GAS6: variants seen among roughly 807,000 people sequenced by gnomAD.
GAS6 encodes the protein growth arrest-specific protein 6.
Under a neutral mutation model 75.8 loss-of-function variants are expected in GAS6, and 41 were observed. The ratio of observed to expected loss-of-function variants is 0.54; its 90% CI spans 0.42 to 0.70. The LOEUF (loss-of-function observed/expected upper bound fraction) is 0.70. Among genes scored for constraint, GAS6 ranks in the 30% least tolerant of loss-of-function variants. The pLI, the probability that GAS6 is intolerant of heterozygous loss-of-function variation, is 0.00. For synonymous variants in GAS6, 432 were observed against 412.6 expected (o/e 1.05, Z -0.57); for missense variants, 854 against 940.2 (o/e 0.91, Z 1.20).
intron 14 of GAS6, 89 bp from the exon 15 acceptor site, chr13:113,821,107 G>A (rs1359276711): frequency 7.0e-7 from 1 of 1,434,072 alleles, no homozygotes; most frequent in Non-Finnish European, 9.7e-7. Context: ...CTTGTGGCCA[G>A]CCCCGGGTTC....
chr13:113,850,624 C>T (rs993897752), intron 2 of GAS6, among the ~76,000 whole-genome samples: 2 of 152,226 alleles, frequency 1.3e-5, no homozygotes, highest in Admixed American at 1.3e-4. Context: ...CATCTACCTG[C>T]CCAGCACCGA....
intron 8 of GAS6, chr13:113,833,036 T>C (rs117708883): frequency 0.019 from 24,879 of 1,320,394 alleles, 325 homozygotes; most frequent in Non-Finnish European, 0.021. Context: ...AATTATGAAA[T>C]ATTTCAAGCA....
chr13:113,832,431 G>A lies in GAS6; in HGVS notation c.1011C>T (p.Ala337=), dbSNP rs147823988. The A allele has an allele frequency of 9.9e-5, 160 of 1,609,552 alleles. 1 individual carries two copies. The African/African-American group carries it at 1.5e-3, about 15-fold the overall frequency. ...TCCAGGTGCTGTCCTGGTGGCCTCC[G>A]GCAAAGAGGAGGATGCCCTCGGGGT... The part of the protein sequence containing the change: ...TFDPEGILLF[A]GGHQDSTWIV... The change falls in exon 10 of 15, where the codon GCC becomes GCT. Residue 337 remains alanine, a synonymous_variant. Transcript: ENST00000327773.
At chr13:113,825,116 G>T (rs1365809087) in intron 12 of GAS6, among the ~76,000 whole-genome samples, 1 of 151,878 alleles carries the variant, frequency 6.6e-6, no homozygotes, top group Non-Finnish European at 1.5e-5. Flanking sequence ...TACTCGGGAG[G>T]CTGAGGCAGG....
At chr13:113,833,661 C>G in intron 8 of GAS6, 4 of 998,892 alleles carry the variant, frequency 4.0e-6, no homozygotes, top group Non-Finnish European at 4.8e-6. Flanking sequence ...ACCAGTGTGA[C>G]AGGTCGGTGT....
chr13:113,827,031 G>A lies in GAS6; in HGVS notation c.1442C>T (p.Pro481Leu). 6.2e-7 allele frequency: 1 copy of A among 1,613,330 alleles called. No individual in the cohort carries two copies. Among genetic ancestry groups the A allele is most frequent in the Non-Finnish European group, 8.5e-7 (1 of 1,179,966 alleles). ...FSVTERGSFY[P>L]GSGFAFYSLD... is the part of the protein sequence containing the mutation. ...GCTGTAGAAGGCGAAGCCGCTCCCGGGGTAGAAAGAGCCTCTCTCCGTCAC... is the reference window on the plus strand; with the variant it reads ...GCTGTAGAAGGCGAAGCCGCTCCCGAGGTAGAAAGAGCCTCTCTCCGTCAC... Residue 481 changes from proline to leucine, a missense_variant, in exon 12 of 15, where the codon CCC (proline) becomes CTC (leucine). Physicochemically the swap from Pro to Leu is moderately conservative, Grantham distance 98. Coordinates refer to ENST00000327773, the MANE Select transcript of GAS6 (RefSeq NM_000820.4).
At chr13:113,824,501 C>T (rs766374153) in intron 12 of GAS6, among the ~76,000 whole-genome samples, 144 of 152,272 alleles carry the variant, frequency 9.5e-4, no homozygotes, top group Non-Finnish European at 1.9e-3. Flanking sequence ...CTGAGCCCTC[C>T]GTGGACTAAG....
chr13:113,834,808 G>T, intron 7 of GAS6, 136 bp from the exon 8 acceptor site: 1 of 994,402 alleles, frequency 1.0e-6, no homozygotes, highest in Non-Finnish European at 1.3e-6. Flanking sequence ...GGGGCGGCTT[G>T]GGGGTCGCGT....
chr13:113,834,696 G>A, intron 7 of GAS6, 24 bp from the exon 8 acceptor site: 6 of 1,518,278 alleles, frequency 4.0e-6, no homozygotes, highest in Non-Finnish European at 5.3e-6. Flanking sequence ...GGAAGCGGCG[G>A]TGAGCCGGGG....
Position 113,820,843 on chromosome 13 carries a change from C to A in GAS6, c.*21G>T. On this transcript the variant is annotated 3_prime_UTR_variant, in exon 15 of 15. Transcript: ENST00000327773. ...GCTGTCTCGGACAGAGACTGAGAAGCCTGCCGCGTCCCGTGGGGGCCTAGG... is the reference window on the plus strand; with the variant it reads ...GCTGTCTCGGACAGAGACTGAGAAGACTGCCGCGTCCCGTGGGGGCCTAGG... 6.2e-7 allele frequency: 1 copy of A among 1,603,798 alleles called. No homozygotes were observed. Among genetic ancestry groups the A allele is most frequent in the Non-Finnish European group, 8.5e-7 (1 of 1,177,680 alleles).
chr13:113,857,266 G>A (rs947561538), intron 2 of GAS6, among the ~76,000 whole-genome samples: 14 of 152,130 alleles, frequency 9.2e-5, no homozygotes, highest in Non-Finnish European at 1.8e-4. Context: ...ATCAACACCC[G>A]TCAGTCAGAG....
At chr13:113,821,709 C>T (rs1308556888) in intron 14 of GAS6, 8 of 507,768 alleles carry the variant, frequency 1.6e-5, no homozygotes, top group Admixed American at 3.7e-5. Flanking sequence ...GATGCAGGTT[C>T]GTGGGGCCTG....
intron 8 of GAS6, chr13:113,833,804 TGGTGTGACAGGCACC>T (rs1436013263): frequency 9.8e-7 from 1 of 1,016,512 alleles, no homozygotes; most frequent in East Asian, 1.2e-4. Context: ...TGACAGGCAG[TGGTGTGACAGGCACC>T]GGTGTGACAG....
chr13:113,835,219 TGG>T (rs1343744088), intron 7 of GAS6, among the ~76,000 whole-genome samples: 2 of 152,214 alleles, frequency 1.3e-5, no homozygotes, highest in Non-Finnish European at 1.5e-5. Flanking sequence ...CCCGTCCCTT[TGG>T]GGAGAGGCCC....
intron 4 of GAS6, chr13:113,840,588 A>G (rs952266376): frequency 1.3e-5 from 2 of 152,294 alleles, no homozygotes; most frequent in African/African-American, 2.4e-5. Context: ...CGCTTCCAGG[A>G]CACGGACCCA....
chr13:113,839,498 G>A (rs990927893), intron 5 of GAS6: 4 of 548,670 alleles, frequency 7.3e-6, no homozygotes, highest in Non-Finnish European at 9.5e-6. Flanking sequence ...ATCAGTGGGT[G>A]CTGAGGCATC....
chr13:113,823,969 C>T (rs1201471813), intron 12 of GAS6, among the ~76,000 whole-genome samples: 2 of 152,242 alleles, frequency 1.3e-5, no homozygotes, highest in African/African-American at 4.8e-5. Context: ...TTTCAGGTAG[C>T]AGCACAGGGC....
At chr13:113,856,130 T>C (rs1019211459) in intron 2 of GAS6, among the ~76,000 whole-genome samples, 2 of 152,140 alleles carry the variant, frequency 1.3e-5, no homozygotes, top group African/African-American at 2.4e-5. Context: ...TGGCAGACCA[T>C]GTTCACGAGA....
intron 2 of GAS6, among the ~76,000 whole-genome samples, chr13:113,849,689 A>C (rs2051859066): frequency 6.6e-6 from 1 of 152,246 alleles, no homozygotes; most frequent in African/African-American, 2.4e-5. Context: ...ATCTGTATTA[A>C]TACCAAGTTT....
Sources: allele counts gnomAD v4.1 joint callset (sites outside exome capture counted in the v4.1 genomes callset), GRCh38; gene constraint gnomAD v4.1.1; transcripts MANE v1.5; gene names NCBI Gene and HGNC (gene_info 2026-07-23, HGNC 2026-07-21).